The following CALHM4 variants were observed in gnomAD, a reference collection of about 807,000 sequenced individuals.
CALHM4 encodes calcium homeostasis modulator protein 4.
Under a neutral mutation model 13.3 loss-of-function variants are expected in CALHM4, and 16 were observed. The observed-to-expected ratio is 1.20, with a 90% CI of 0.81 to 1.82. The LOEUF is 1.82. Among genes scored for constraint, CALHM4 ranks in the 40% most tolerant of loss-of-function variants. The pLI, the probability that CALHM4 is intolerant of heterozygous loss-of-function variation, is 0.00. For synonymous variants in CALHM4, 127 were observed against 137.1 expected (o/e 0.93, Z 0.52); for missense variants, 344 against 374.9 (o/e 0.92, Z 0.68).
chr6:116,533,974 C>G (rs1346630991), intron 1 of CALHM4, among the ~76,000 whole-genome samples: 2 of 152,184 alleles, frequency 1.3e-5, no homozygotes, highest in African/African-American at 2.4e-5. Context: ...AACACAGCAG[C>G]CTTCTCCACT....
rs755739065 is a variant in CALHM4 at position 116,558,134 on chromosome 6, C to G, written c.868C>G (p.His290Asp). The change falls in exon 2 of 2, where the codon CAC becomes GAC. Residue 290 changes from histidine to aspartate, a missense_variant. His to Asp is a moderately conservative substitution (Grantham distance 81). Coordinates refer to ENST00000368596, the MANE Select transcript of CALHM4 (RefSeq NM_001366078.2). ...LLCMGDDLQG[H>D]YSFLGNRVDE... The stretch of plus-strand genomic sequence containing the variant: ...ATGCATGGGTGATGACTTGCAAGGT[C>G]ACTATAGCTTCCTTGGAAATAGGGT... The G allele has an allele frequency of 6.2e-7, 1 of 1,614,138 alleles. No homozygotes were observed. Among genetic ancestry groups the G allele is most frequent in the Non-Finnish European group, 8.5e-7 (1 of 1,180,000 alleles).
In CALHM4 at chr6:116,534,347, C is replaced by G. The variant is rs113015914; in HGVS notation, c.-109+5157C>G. The stretch of plus-strand genomic sequence containing the variant: ...TGTATTGGAGATTGGAAATCTATAG[C>G]CCTCATGCTGTCTCCATTCTAAAGC... On this transcript the variant is annotated intron_variant, in intron 1 of 2. Coordinates refer to the CALHM4 transcript ENST00000368597. Among the ~76,000 whole-genome samples the G allele has an allele frequency of 7.2e-5, 11 of 152,218 alleles. 1 individual carries two copies. The highest frequency in any genetic ancestry group is 2.4e-4 in the African/African-American group (10 of 41,540).
chr6:116,542,241 A>T (rs1773506187), intron 1 of CALHM4, among the ~76,000 whole-genome samples: 1 of 152,180 alleles, frequency 6.6e-6, no homozygotes, highest in African/African-American at 2.4e-5. Flanking sequence ...ATCTATAGGT[A>T]GACAGTTGGG....
chr6:116,557,085 G>A (rs141229952), intron 1 of CALHM4, among the ~76,000 whole-genome samples: 1,528 of 151,844 alleles, frequency 0.01, 20 homozygotes, highest in African/African-American at 0.036. Context: ...TTACAGGCAT[G>A]TGCCACCATG....
intron 1 of CALHM4, among the ~76,000 whole-genome samples, chr6:116,557,335 A>G (rs1057330915): frequency 6.6e-6 from 1 of 152,222 alleles, no homozygotes; most frequent in African/African-American, 2.4e-5. Flanking sequence ...AGGAAAAAAT[A>G]TCAGTGAACA....
At chr6:116,539,878 T>C (rs760246762) in intron 1 of CALHM4, among the ~76,000 whole-genome samples, 24 of 152,208 alleles carry the variant, frequency 1.6e-4, no homozygotes, top group Non-Finnish European at 3.5e-4. Flanking sequence ...TGATTCCAAG[T>C]TGTCTCCTAC....
intron 1 of CALHM4, chr6:116,540,262 G>T: frequency 9.4e-7 from 1 of 1,061,700 alleles, no homozygotes; most frequent in Non-Finnish European, 1.4e-6. Flanking sequence ...ACCTAACAAT[G>T]AATGCAGATG....
upstream of CALHM4, among the ~76,000 whole-genome samples, chr6:116,549,223 G>A (rs1393485892): frequency 6.6e-6 from 1 of 152,182 alleles, no homozygotes; most frequent in African/African-American, 2.4e-5. Context: ...GGAGGTGGAG[G>A]TTGCAGTAGC....
upstream of CALHM4, among the ~76,000 whole-genome samples, chr6:116,552,335 T>C (rs1490685053): frequency 6.6e-6 from 1 of 152,162 alleles, no homozygotes; most frequent in Non-Finnish European, 1.5e-5. Context: ...TATTCTGTGT[T>C]TAGTTGTGCG....
chr6:116,550,019 T>TATATATATATATATATATAC (rs1773997992), upstream of CALHM4, among the ~76,000 whole-genome samples: 1 of 74,430 alleles, frequency 1.3e-5, no homozygotes, highest in African/African-American at 4.9e-5. Flanking sequence ...TATATATATA[T>TATATATATATATATATATAC]ATATATACAC....
intron 1 of CALHM4, among the ~76,000 whole-genome samples, chr6:116,556,462 C>CCA (rs1194950604): frequency 1.3e-5 from 2 of 152,192 alleles, no homozygotes; most frequent in Non-Finnish European, 2.9e-5. Context: ...TCTGAGATGG[C>CCA]TTTTCCTCCG....
chr6:116,544,181 G>GAA lies in CALHM4; in HGVS notation c.-1+310_-1+311dup, dbSNP rs71554854. Among the ~76,000 whole-genome samples, 9 of 151,272 alleles carry GAA rather than the reference G, an allele frequency of 5.9e-5. No homozygotes were observed. The East Asian group carries it at 1.5e-3, about 26-fold the overall frequency. On this transcript the variant is annotated intron_variant, in intron 2 of 2. Coordinates refer to the CALHM4 transcript ENST00000368597. The stretch of plus-strand genomic sequence containing the variant: ...AGAGAGAGAGAGAGAGAGAGAGAGA[G>GAA]AATGATGAGATTGTTGTGACTAGCA...
Position 116,559,564 on chromosome 6 carries a change from A to C in CALHM4, c.*1353A>C, listed in dbSNP as rs768312668. 2.1e-4 allele frequency among the ~76,000 whole-genome samples: 32 copies of C among 152,288 alleles called. No individual in the cohort carries two copies. Among genetic ancestry groups the C allele is most frequent in the Middle Eastern group, 3.4e-3 (1 of 294 alleles). The stretch of plus-strand genomic sequence containing the variant: ...GTTTTGTCCTTCAATAAGAGACTGC[A>C]TATTGTAGCTCTTTGCTGGGACAGG... On this transcript the variant is annotated 3_prime_UTR_variant, in exon 2 of 2. Transcript: ENST00000368596.
chr6:116,553,425 C>T (rs1405114104), upstream of CALHM4, among the ~76,000 whole-genome samples: 1 of 152,140 alleles, frequency 6.6e-6, no homozygotes, highest in Admixed American at 6.5e-5. Flanking sequence ...AAGAATGTCT[C>T]TGTTTTGCTT....
chr6:116,547,293 G>C (rs953728414), intron 2 of CALHM4, among the ~76,000 whole-genome samples: 1 of 152,196 alleles, frequency 6.6e-6, no homozygotes, highest in African/African-American at 2.4e-5. Flanking sequence ...CTGTGTGCTT[G>C]CTGCGAGGTG....
rs1774201880 is a variant in CALHM4 at position 116,554,130 on chromosome 6, A to G, written c.337A>G (p.Ile113Val). 6.4e-7 allele frequency: 1 copy of G among 1,550,422 alleles called. No homozygotes were observed. The highest frequency in any genetic ancestry group is 1.4e-5 in the African/African-American group (1 of 73,014). ...CTTCAGCATCACTGGGAGGGCAGTT[A>G]TTGCTCCTTTAACTTGGCTGGCGGT... ...RFFSITGRAVIAPLTWLAVTL... is the reference protein window; with the variant it reads ...RFFSITGRAVVAPLTWLAVTL... The change falls in exon 1 of 2, where the codon ATT becomes GTT. Residue 113 changes from isoleucine (I) to valine (V), a missense_variant. By Grantham distance (29) the Ile-to-Val change is conservative. Coordinates refer to ENST00000368596, the MANE Select transcript of CALHM4 (RefSeq NM_001366078.2).
At chr6:116,550,707 GA>G (rs989845133), upstream of CALHM4, among the ~76,000 whole-genome samples, 30 of 151,388 alleles carry the variant, frequency 2.0e-4, no homozygotes, top group African/African-American at 7.1e-4. Context: ...CCTCTTTTTT[GA>G]ATTATCTATG....
chr6:116,534,866 A>C (rs936475401), intron 1 of CALHM4, among the ~76,000 whole-genome samples: 1 of 152,194 alleles, frequency 6.6e-6, no homozygotes, highest in Non-Finnish European at 1.5e-5. Context: ...AAACCTAAAA[A>C]TCGGGGTTTC....
chr6:116,536,588 T>C (rs1355018565), intron 1 of CALHM4, among the ~76,000 whole-genome samples: 1 of 152,198 alleles, frequency 6.6e-6, no homozygotes, highest in Non-Finnish European at 1.5e-5. Flanking sequence ...GGTTTCTTCA[T>C]CTAGTCAATT....
Sources: allele counts gnomAD v4.1 joint callset (sites outside exome capture counted in the v4.1 genomes callset), GRCh38; gene constraint gnomAD v4.1.1; transcripts MANE v1.5; gene names NCBI Gene and HGNC (gene_info 2026-07-23, HGNC 2026-07-21).